ATG14: variants seen among roughly 807,000 people sequenced by gnomAD.
ATG14 encodes beclin 1-associated autophagy-related key regulator.
ATG14 carries 35 observed loss-of-function variants against 60.4 expected under a neutral mutation model. The observed-to-expected ratio is 0.58, with a 90% CI of 0.44 to 0.77. The LOEUF is 0.77. ATG14 is among the 30% of genes least tolerant of loss of function. The pLI is 0.00. For missense variants in ATG14, 647 were observed against 626.3 expected (o/e 1.03, Z -0.35); for synonymous variants, 234 against 228.8 (o/e 1.02, Z -0.21).
At position 55,393,254 on chromosome 14, in the gene ATG14, G is replaced by T. The variant is rs537327472; in HGVS notation, c.328-2262C>A. Among the ~76,000 whole-genome samples, 18 of 152,136 alleles carry T rather than the reference G, an allele frequency of 1.2e-4. No homozygotes were observed. The South Asian group carries it at 3.5e-3, about 30-fold the overall frequency. On this transcript the variant is annotated intron_variant, in intron 3 of 9. Transcript: ENST00000247178. ...AAAAAACTTAGCCGGGCGTGGTGGT[G>T]GGCGCCTGTAGTCCCAGCTACTCGG...
At chr14:55,403,614 A>G (rs1885445523) in intron 1 of ATG14, among the ~76,000 whole-genome samples, 1 of 152,174 alleles carries the variant, frequency 6.6e-6, no homozygotes, top group Non-Finnish European at 1.5e-5. Context: ...TTACAGCTGT[A>G]AAAGGAATAA....
rs377537523 is a variant in ATG14 at position 55,371,396 on chromosome 14, T to C, written c.1173-1471A>G. ...AGACACCTGTGCTTCCCAGATGGATTAAGCAATAATAATAGCTAACATTTA... is the reference window on the plus strand; with the variant it reads ...AGACACCTGTGCTTCCCAGATGGATCAAGCAATAATAATAGCTAACATTTA... On this transcript the variant is annotated intron_variant, in intron 9 of 9. Coordinates refer to ENST00000247178, the MANE Select transcript of ATG14 (RefSeq NM_014924.5). Among the ~76,000 whole-genome samples the C allele has an allele frequency of 7.2e-5, 11 of 152,276 alleles. No homozygotes were observed. The East Asian group carries it at 2.1e-3, about 29-fold the overall frequency.
At chr14:55,380,875 A>G (rs866183716) in intron 6 of ATG14, among the ~76,000 whole-genome samples, 185 bp from the exon 7 acceptor site, 3 of 112,732 alleles carry the variant, frequency 2.7e-5, no homozygotes, top group African/African-American at 3.8e-5. Context: ...ATATATATAT[A>G]TTTTTTTTTT....
chr14:55,386,830 T>G (rs1241045085), intron 4 of ATG14, among the ~76,000 whole-genome samples: 1 of 152,218 alleles, frequency 6.6e-6, no homozygotes, highest in African/African-American at 2.4e-5. Context: ...TTCACTTGAA[T>G]GACAAAAACA....
chr14:55,402,955 ATATATATATATAT>A (rs1566585735), intron 1 of ATG14, among the ~76,000 whole-genome samples: 2,058 of 77,658 alleles, frequency 0.027, 50 homozygotes, highest in Non-Finnish European at 0.042. Context: ...ATATATATAT[ATATATATATATAT>A]AAATAGCTGG....
At chr14:55,377,750 T>C in intron 9 of ATG14, 69 bp downstream of exon 9, 13 of 1,184,934 alleles carry the variant, frequency 1.1e-5, no homozygotes, top group East Asian at 2.4e-5. Context: ...GACTCTACTA[T>C]GCCAACATAC....
chr14:55,374,897 A>G (rs530828688), intron 9 of ATG14, among the ~76,000 whole-genome samples: 158 of 152,252 alleles, frequency 1.0e-3, no homozygotes, highest in African/African-American at 3.6e-3. Context: ...TGTTTTAATT[A>G]CCTTTATGCT....
At chr14:55,402,177 G>A (rs1007768361) in intron 1 of ATG14, among the ~76,000 whole-genome samples, 7 of 152,108 alleles carry the variant, frequency 4.6e-5, no homozygotes, top group Admixed American at 4.6e-4. Context: ...ACAATTTACT[G>A]AGCACTTACT....
intron 9 of ATG14, among the ~76,000 whole-genome samples, chr14:55,375,421 C>T (rs1884898820): frequency 6.6e-6 from 1 of 151,618 alleles, no homozygotes; most frequent in African/African-American, 2.4e-5. Context: ...CTCCTCAACT[C>T]AGGCGACCCT....
chr14:55,402,966 T>A lies in ATG14; in HGVS notation c.222-5532A>T, dbSNP rs183491877. 8.8e-3 allele frequency among the ~76,000 whole-genome samples: 516 copies of A among 58,860 alleles called. 2 individuals are homozygous for A. Among genetic ancestry groups the A allele is most frequent in the Non-Finnish European group, 0.013 (398 of 30,250 alleles). The allele number at this position is 58,860 out of a possible 152,430, so 38.6% of individuals were successfully genotyped here. On this transcript the variant is annotated intron_variant, in intron 1 of 9. Coordinates refer to ENST00000247178, the MANE Select transcript of ATG14 (RefSeq NM_014924.5). ...ATATATATATATATATATATATATA[T>A]ATAAATAGCTGGGCATAGTGGTGCA...
At chr14:55,371,183 G>A (rs1471670130) in intron 9 of ATG14, among the ~76,000 whole-genome samples, 2 of 152,214 alleles carry the variant, frequency 1.3e-5, no homozygotes, top group Non-Finnish European at 2.9e-5. Flanking sequence ...GGGAAAATAG[G>A]AGAGGTCGAA....
chr14:55,390,805 A>G (rs914657399), intron 4 of ATG14, 106 bp downstream of exon 4: 1 of 742,126 alleles, frequency 1.3e-6, no homozygotes, highest in African/African-American at 1.8e-5. Context: ...CCAAGTTGCC[A>G]CTGCCCCACC....
At chr14:55,405,701 T>C (rs1027325360) in intron 1 of ATG14, among the ~76,000 whole-genome samples, 5 of 152,228 alleles carry the variant, frequency 3.3e-5, no homozygotes, top group African/African-American at 4.8e-5. Context: ...AAATACATAA[T>C]CCATACAGTT....
At chr14:55,370,293 A>C (rs1259242653) in intron 9 of ATG14, among the ~76,000 whole-genome samples, 1 of 152,214 alleles carries the variant, frequency 6.6e-6, no homozygotes, top group African/African-American at 2.4e-5. Flanking sequence ...CCAATGAGAC[A>C]ATTCTAACAA....
At position 55,397,388 on chromosome 14, in the gene ATG14, C is replaced by T. The variant is rs1458121308; in HGVS notation, c.268G>A (p.Glu90Lys). The change falls in exon 2 of 10, where the codon GAA becomes AAA. Residue 90 changes from glutamate (E) to lysine (K), a missense_variant. Glu to Lys is a moderately conservative substitution (Grantham distance 56). Coordinates refer to ENST00000247178, the MANE Select transcript of ATG14 (RefSeq NM_014924.5). ...AACACTCACTCTTTCTGAAATTCTT[C>T]TTGCTTGCTCTTAAGTCGGCTTAAC... ...ERLSRLKSKQ[E>K]EFQKEVLKAM... is the part of the protein sequence containing the mutation. 2 of 1,613,428 alleles carry T rather than the reference C, an allele frequency of 1.2e-6. No individual in the cohort carries two copies. The highest frequency in any genetic ancestry group is 1.7e-6 in the Non-Finnish European group (2 of 1,179,570).
chr14:55,388,056 G>A (rs1301428359), intron 4 of ATG14, among the ~76,000 whole-genome samples: 1 of 152,118 alleles, frequency 6.6e-6, no homozygotes, highest in Non-Finnish European at 1.5e-5. Context: ...AGAATTGCTT[G>A]AACCCGGGAG....
chr14:55,395,269 G>A (rs1292271672), intron 3 of ATG14: 16 of 333,510 alleles, frequency 4.8e-5, no homozygotes, highest in South Asian at 1.3e-4. Context: ...AAGCGCCTGC[G>A]AGGCATAGTG....
chr14:55,398,251 T>C (rs963937726), intron 1 of ATG14, among the ~76,000 whole-genome samples: 1 of 152,122 alleles, frequency 6.6e-6, no homozygotes, highest in Non-Finnish European at 1.5e-5. Context: ...GCGCCCAGCA[T>C]AGTTATTATT....
Position 55,380,540 on chromosome 14 carries a change from A to G in ATG14, c.995+33T>C, listed in dbSNP as rs749433042. 5.1e-6 allele frequency: 7 copies of G among 1,367,454 alleles called. No homozygotes were observed. In the Admixed American group the frequency reaches 7.3e-5, roughly 14 times the overall value. The allele number at this position is 1,367,454 out of a possible 1,614,324, so 84.7% of individuals were successfully genotyped here. A position where few individuals can be genotyped will look rare whatever the true frequency, so the allele number is the denominator to read the frequency against. On this transcript the variant is annotated intron_variant, in intron 7 of 9. Transcript: ENST00000247178. ...AAAATAGAAACTTGAAAGAGCCATG[A>G]TAAAGATGACATTACCACCTTCAAT...
Sources: gnomAD v4.1 joint callset for allele counts (sites outside exome capture counted in the v4.1 genomes callset) on GRCh38, gnomAD v4.1.1 for gene constraint, MANE v1.5 for transcripts, NCBI Gene and HGNC (gene_info 2026-07-23, HGNC 2026-07-21) for gene names.